Variants in CNTNAP5 observed in about 807,000 individuals in gnomAD.
CNTNAP5 encodes contactin-associated protein-like 5.
CNTNAP5 carries 72 observed loss-of-function variants against 150.2 expected under a neutral mutation model. The observed-to-expected ratio is 0.48, with a 90% CI of 0.40 to 0.58. CNTNAP5 has a LOEUF of 0.58. Among genes scored for constraint, CNTNAP5 ranks in the 20% least tolerant of loss-of-function variants. CNTNAP5 has a pLI of 0.00. For synonymous variants in CNTNAP5, 672 were observed against 619.8 expected (o/e 1.08, Z -1.25); for missense variants, 1,636 against 1,626.2 (o/e 1.01, Z -0.10).
chr2:124,549,534 T>A (rs1008664811), intron 10 of CNTNAP5, among the ~76,000 whole-genome samples: 1 of 152,166 alleles, frequency 6.6e-6, no homozygotes, highest in African/African-American at 2.4e-5. Flanking sequence ...AGTGTCAAAA[T>A]TTGCAGTCAT....
chr2:124,491,530 T>C (rs1342582715), intron 7 of CNTNAP5, among the ~76,000 whole-genome samples: 1 of 152,144 alleles, frequency 6.6e-6, no homozygotes, highest in East Asian at 1.9e-4. Context: ...GTTTTGGCTA[T>C]TGTAGATAAT....
chr2:124,655,945 G>GAGAAAGAGAGAA (rs1678439456), intron 13 of CNTNAP5, among the ~76,000 whole-genome samples: 1 of 55,490 alleles, frequency 1.8e-5, no homozygotes, highest in African/African-American at 7.5e-5. Flanking sequence ...GAGAGAGAGA[G>GAGAAAGAGAGAA]AGAAAGAAAG....
At chr2:124,888,452 TAA>T (rs1023972627) in intron 21 of CNTNAP5, among the ~76,000 whole-genome samples, 11 of 152,048 alleles carry the variant, frequency 7.2e-5, no homozygotes, top group Non-Finnish European at 1.3e-4. Context: ...TTTTCTTTTT[TAA>T]TATATACCTA....
At chr2:124,292,564 G>C (rs1688324129) in intron 3 of CNTNAP5, among the ~76,000 whole-genome samples, 1 of 152,000 alleles carries the variant, frequency 6.6e-6, no homozygotes, top group Non-Finnish European at 1.5e-5. Flanking sequence ...ATAAAATTGA[G>C]AAAGTCTATG....
At chr2:124,574,626 G>A (rs993765066) in intron 11 of CNTNAP5, among the ~76,000 whole-genome samples, 1 of 152,152 alleles carries the variant, frequency 6.6e-6, no homozygotes, top group Non-Finnish European at 1.5e-5. Flanking sequence ...AATTACTTGG[G>A]TTTTCATTTG....
At chr2:124,810,306 G>A (rs1002154189) in intron 19 of CNTNAP5, among the ~76,000 whole-genome samples, 3 of 152,080 alleles carry the variant, frequency 2.0e-5, no homozygotes, top group African/African-American at 7.2e-5. Flanking sequence ...GTTGTCCTGG[G>A]CAAAGAGCTT....
intron 3 of CNTNAP5, among the ~76,000 whole-genome samples, chr2:124,371,064 T>C (rs779660414): frequency 3.3e-5 from 5 of 152,074 alleles, no homozygotes; most frequent in Admixed American, 6.6e-5. Context: ...TCTTCAGAGA[T>C]AAGGATGCTA....
intron 3 of CNTNAP5, among the ~76,000 whole-genome samples, chr2:124,286,301 ACTT>A (rs1688147913): frequency 6.6e-6 from 1 of 152,094 alleles, no homozygotes; most frequent in Admixed American, 6.5e-5. Flanking sequence ...GCGACGGCCT[ACTT>A]CTTCTGCCCA....
intron 17 of CNTNAP5, among the ~76,000 whole-genome samples, chr2:124,778,093 G>A (rs1016367101): frequency 2.6e-5 from 4 of 152,072 alleles, no homozygotes; most frequent in Non-Finnish European, 4.4e-5. Context: ...GTTCTCCCTG[G>A]ACATTCAAGG....
At chr2:124,098,746 A>AACAG (rs1226677480) in intron 1 of CNTNAP5, among the ~76,000 whole-genome samples, 1 of 152,004 alleles carries the variant, frequency 6.6e-6, no homozygotes, top group Non-Finnish European at 1.5e-5. Flanking sequence ...CAAACAAACA[A>AACAG]ACAACTGATA....
chr2:124,355,103 C>A (rs1689964170), intron 3 of CNTNAP5, among the ~76,000 whole-genome samples: 1 of 150,628 alleles, frequency 6.6e-6, no homozygotes, highest in Admixed American at 6.6e-5. Context: ...TTTAATATTT[C>A]TAATTACATA....
intron 13 of CNTNAP5, among the ~76,000 whole-genome samples, chr2:124,718,498 T>C (rs1481174260): frequency 6.6e-6 from 1 of 152,106 alleles, no homozygotes; most frequent in Non-Finnish European, 1.5e-5. Flanking sequence ...AAGGAAAAAA[T>C]GGAAGAGCCC....
At chr2:124,562,704 T>G (rs1259932886) in intron 10 of CNTNAP5, among the ~76,000 whole-genome samples, 1 of 152,178 alleles carries the variant, frequency 6.6e-6, no homozygotes, top group Non-Finnish European at 1.5e-5. Flanking sequence ...TAAAATACCC[T>G]TGCATTTTAG....
chr2:124,587,520 T>TC (rs1482904082), intron 11 of CNTNAP5, among the ~76,000 whole-genome samples: 2 of 152,194 alleles, frequency 1.3e-5, no homozygotes, highest in African/African-American at 4.8e-5. Context: ...CATAAATATG[T>TC]CCCTCTGCCA....
chr2:124,069,848 T>A (rs1682257218), intron 1 of CNTNAP5, among the ~76,000 whole-genome samples: 1 of 152,074 alleles, frequency 6.6e-6, no homozygotes, highest in African/African-American at 2.4e-5. Context: ...TTATTTGAGG[T>A]ACAAAACTAA....
chr2:124,365,299 G>C (rs139403322), intron 3 of CNTNAP5, among the ~76,000 whole-genome samples: 7 of 147,192 alleles, frequency 4.8e-5, no homozygotes, highest in African/African-American at 1.8e-4. Flanking sequence ...CTTTGCAAGA[G>C]AGCAAGACTC....
chr2:124,154,021 C>T (rs557149078), intron 1 of CNTNAP5, among the ~76,000 whole-genome samples: 16 of 152,148 alleles, frequency 1.1e-4, no homozygotes, highest in African/African-American at 1.7e-4. Context: ...GCCATCCCAG[C>T]GGAGATTGGC....
chr2:124,798,062 T>G, intron 18 of CNTNAP5, 34 bp from the exon 19 acceptor site: 1 of 1,513,896 alleles, frequency 6.6e-7, no homozygotes, highest in Non-Finnish European at 9.1e-7. Context: ...ATCTAAAGGT[T>G]TCAATGTGTG....
intron 11 of CNTNAP5, among the ~76,000 whole-genome samples, chr2:124,570,557 T>C (rs947447406): frequency 4.3e-5 from 6 of 140,812 alleles, no homozygotes; most frequent in Admixed American, 3.4e-4. Context: ...AGCCACAGTT[T>C]GTTGGGGATC....
Sources: allele counts gnomAD v4.1 joint callset (sites outside exome capture counted in the v4.1 genomes callset), GRCh38; gene constraint gnomAD v4.1.1; transcripts MANE v1.5; gene names NCBI Gene and HGNC (gene_info 2026-07-23, HGNC 2026-07-21).